The following ROBO2 variants were observed in gnomAD, a reference collection of about 807,000 sequenced individuals.
ROBO2 encodes roundabout guidance receptor 2.
In ROBO2, 53 loss-of-function variants were observed where a neutral mutation model predicts 160.8. The ratio of observed to expected loss-of-function variants is 0.33; its 90% CI spans 0.26 to 0.41. The LOEUF (loss-of-function observed/expected upper bound fraction) is 0.41. Ranked by LOEUF, ROBO2 falls within the 10% of genes least tolerant of loss-of-function variation. The pLI, the probability that ROBO2 is intolerant of heterozygous loss-of-function variation, is 1.00. For missense variants in ROBO2, 1,577 were observed against 1,722.4 expected (o/e 0.92, Z 1.49); for synonymous variants, 664 against 611.7 (o/e 1.09, Z -1.26).
chr3:76,985,072 A>C (rs2060299340), intron 2 of ROBO2, among the ~76,000 whole-genome samples: 1 of 152,126 alleles, frequency 6.6e-6, no homozygotes, highest in Non-Finnish European at 1.5e-5. Flanking sequence ...GTTTGTGTAG[A>C]AACACACCTT....
rs1339427039 is a variant in ROBO2, at chr3:76,512,041, C to CAGTATGTA, written c.109+574440_109+574447dup. Among the ~76,000 whole-genome samples, 5 of 152,126 alleles carry CAGTATGTA rather than the reference C, an allele frequency of 3.3e-5. No homozygotes were observed. The East Asian group carries it at 9.7e-4, about 29-fold the overall frequency. ...TGGTGGGCTTACTGAAGGACAAGAG[C>CAGTATGTA]AGTATGTATCCATAACAGAACAAAA... On this transcript the variant is annotated intron_variant, in intron 2 of 26. Coordinates refer to the ROBO2 transcript ENST00000487694.
intron 2 of ROBO2, among the ~76,000 whole-genome samples, chr3:76,403,061 C>T (rs2077932989): frequency 6.6e-6 from 1 of 151,562 alleles, no homozygotes; most frequent in Admixed American, 6.6e-5. Context: ...GTGCGTGATT[C>T]ATTCTAGATA....
intron 5 of ROBO2, among the ~76,000 whole-genome samples, chr3:77,520,745 G>A (rs1027907181): frequency 3.3e-5 from 5 of 151,218 alleles, no homozygotes; most frequent in Non-Finnish European, 5.9e-5. Flanking sequence ...GTATTTAAAT[G>A]TTTCTATCTT....
rs939019873 is a variant in ROBO2 at position 76,502,076 on chromosome 3, G to T, written c.109+564474G>T. 2.6e-5 allele frequency among the ~76,000 whole-genome samples: 4 copies of T among 152,116 alleles called. 1 individual carries two copies. The highest frequency in any genetic ancestry group is 9.7e-5 in the African/African-American group (4 of 41,396). The stretch of plus-strand genomic sequence containing the variant: ...ACATATGGTTTTCAGAAGCATATAT[G>T]ATACAGTGTTAATTTTAAAGTGTTC... On this transcript the variant is annotated intron_variant, in intron 2 of 26. Transcript: ENST00000487694.
chr3:76,416,852 C>T (rs982300669), intron 2 of ROBO2, among the ~76,000 whole-genome samples: 7 of 152,004 alleles, frequency 4.6e-5, no homozygotes, highest in African/African-American at 7.2e-5. Flanking sequence ...ATGTAGAGTT[C>T]GAGTTATCAG....
intron 2 of ROBO2, among the ~76,000 whole-genome samples, chr3:77,204,394 C>A (rs1403460828): frequency 1.3e-5 from 2 of 152,036 alleles, no homozygotes; most frequent in Non-Finnish European, 2.9e-5. Context: ...ATATTTGATG[C>A]TTAATTGATA....
chr3:77,630,573 T>C (rs757922651), intron 23 of ROBO2: 1 of 151,190 alleles, frequency 6.6e-6, no homozygotes, highest in Non-Finnish European at 1.5e-5. Context: ...AGCCAAATCA[T>C]ATCAGTAGGC....
At chr3:76,556,281 G>C (rs957795808) in intron 2 of ROBO2, among the ~76,000 whole-genome samples, 13 of 152,038 alleles carry the variant, frequency 8.6e-5, no homozygotes, top group Admixed American at 6.6e-5. Context: ...TTCCACCTTA[G>C]GCATGAAGAA....
chr3:76,368,665 A>C (rs2075955505), intron 2 of ROBO2, among the ~76,000 whole-genome samples: 1 of 151,970 alleles, frequency 6.6e-6, no homozygotes, highest in South Asian at 2.1e-4. Flanking sequence ...CCTATTTCTT[A>C]AGACCTGGAC....
intron 2 of ROBO2, among the ~76,000 whole-genome samples, chr3:76,425,267 T>A (rs2076165935): frequency 6.6e-6 from 1 of 152,120 alleles, no homozygotes; most frequent in Non-Finnish European, 1.5e-5. Flanking sequence ...CCAAATTAGA[T>A]GTTCTACTTA....
chr3:77,296,957 A>C (rs1453844394), intron 2 of ROBO2, among the ~76,000 whole-genome samples: 1 of 152,180 alleles, frequency 6.6e-6, no homozygotes, highest in Non-Finnish European at 1.5e-5. Context: ...CTTTTCTCGC[A>C]TACTTTGACT....
chr3:77,346,057 T>C (rs2067599804), intron 2 of ROBO2, among the ~76,000 whole-genome samples: 1 of 152,142 alleles, frequency 6.6e-6, no homozygotes, highest in African/African-American at 2.4e-5. Flanking sequence ...CATAATACTC[T>C]GTGTTACTAA....
At chr3:76,264,469 TA>T (rs1706972441) in intron 2 of ROBO2, among the ~76,000 whole-genome samples, 1 of 152,062 alleles carries the variant, frequency 6.6e-6, no homozygotes, top group African/African-American at 2.4e-5. Context: ...ATGAATCCAT[TA>T]AAATGTATGT....
chr3:77,483,080 A>T (rs562874878), intron 4 of ROBO2, among the ~76,000 whole-genome samples: 1 of 152,262 alleles, frequency 6.6e-6, no homozygotes, highest in East Asian at 1.9e-4. Context: ...AATAGCTATT[A>T]TCCAAATAGA....
intron 2 of ROBO2, among the ~76,000 whole-genome samples, chr3:76,294,152 C>T (rs943211441): frequency 1.3e-5 from 2 of 152,122 alleles, no homozygotes; most frequent in Non-Finnish European, 2.9e-5. Context: ...TGCCGGGAGT[C>T]GGGGAGACCA....
At chr3:76,330,324 AC>A (rs2073385688) in intron 2 of ROBO2, among the ~76,000 whole-genome samples, 1 of 152,226 alleles carries the variant, frequency 6.6e-6, no homozygotes, top group Non-Finnish European at 1.5e-5. Flanking sequence ...AGCCTAGTCT[AC>A]ATTATGATAT....
intron 2 of ROBO2, among the ~76,000 whole-genome samples, chr3:76,343,932 AT>A (rs2074377381): frequency 6.6e-6 from 1 of 152,112 alleles, no homozygotes; most frequent in South Asian, 2.1e-4. Flanking sequence ...CAAAGATTTT[AT>A]AAACCTGAGT....
chr3:77,605,725 T>G (rs1252399225), intron 20 of ROBO2, among the ~76,000 whole-genome samples: 2 of 152,158 alleles, frequency 1.3e-5, no homozygotes, highest in Admixed American at 6.5e-5. Context: ...TTTCTCTTAC[T>G]GGGTGAATGT....
intron 16 of ROBO2, among the ~76,000 whole-genome samples, chr3:77,581,030 T>C (rs1012064998): frequency 6.6e-6 from 1 of 152,304 alleles, no homozygotes; most frequent in Non-Finnish European, 1.5e-5. Context: ...ATTTTAGCCA[T>C]TCTAATTGGG....
Sources: gnomAD v4.1 joint callset for allele counts (sites outside exome capture counted in the v4.1 genomes callset) on GRCh38, gnomAD v4.1.1 for gene constraint, MANE v1.5 for transcripts, NCBI Gene and HGNC (gene_info 2026-07-23, HGNC 2026-07-21) for gene names.